Variants in SCIN observed in about 807,000 individuals in gnomAD.
SCIN encodes scinderin.
Under a neutral mutation model 91.8 loss-of-function variants are expected in SCIN, and 91 were observed. The observed-to-expected ratio is 0.99, with a 90% CI of 0.84 to 1.18. The LOEUF (loss-of-function observed/expected upper bound fraction) is 1.18. Among genes scored for constraint, SCIN ranks in the 50% most tolerant of loss-of-function variants. The pLI is 0.00. For missense variants in SCIN, 1,087 were observed against 863.9 expected (o/e 1.26, Z -3.24); for synonymous variants, 367 against 312.6 (o/e 1.17, Z -1.84).
At position 12,626,598 on chromosome 7, in the gene SCIN, A is replaced by G. The variant is rs888571273; in HGVS notation, c.996A>G (p.Pro332=). The change falls in exon 8 of 16, where the codon CCA becomes CCG. Residue 332 remains proline (P), a synonymous_variant. Coordinates refer to ENST00000297029, the MANE Select transcript of SCIN (RefSeq NM_001112706.3). ...YSKNTQIQVL[P]EGGETPIFKQ... ...TTAAATTTCAGATTCAAGTTCTTCC[A>G]GAAGGAGGTGAAACACCAATCTTCA... 2.1e-5 allele frequency: 32 copies of G among 1,547,430 alleles called. No individual in the cohort carries two copies. The African/African-American group carries it at 4.3e-4, about 21-fold the overall frequency.
At chr7:12,625,206 T>C in intron 6 of SCIN, 64 bp downstream of exon 6, 1 of 1,341,756 alleles carries the variant, frequency 7.5e-7, no homozygotes, top group Non-Finnish European at 9.9e-7. Flanking sequence ...TAAGGGTAAA[T>C]AAAATATATT....
chr7:12,578,184 T>G lies in SCIN; in HGVS notation c.320T>G (p.Phe107Cys). Residue 107 changes from phenylalanine (F) to cysteine (C), a missense_variant, in exon 2 of 16, where the codon TTT (phenylalanine) becomes TGT (cysteine). Phe to Cys is a radical substitution (Grantham distance 205). Transcript: ENST00000297029. ...RELQGYESND[F>C]VSYFKGGLKY... ...CTTCAAGGATATGAGTCTAATGACTTTGTTAGCTATTTCAAAGGCGGTCTG... is the reference window on the plus strand; with the variant it reads ...CTTCAAGGATATGAGTCTAATGACTGTGTTAGCTATTTCAAAGGCGGTCTG... The G allele has an allele frequency of 6.5e-7, 1 of 1,548,380 alleles. No homozygotes were observed. Among genetic ancestry groups the G allele is most frequent in the African/African-American group, 1.4e-5 (1 of 72,952 alleles).
intron 3 of SCIN, among the ~76,000 whole-genome samples, chr7:12,582,392 A>G (rs1049547288): frequency 3.3e-5 from 5 of 152,202 alleles, no homozygotes; most frequent in Non-Finnish European, 7.3e-5. Context: ...AAATGTACTA[A>G]GGTTATACAT....
chr7:12,640,353 G>A lies in SCIN; in HGVS notation c.1417G>A (p.Val473Ile). The change falls in exon 11 of 16, where the codon GTC becomes ATC. Residue 473 changes from valine to isoleucine, a missense_variant. Physicochemically the swap from Val to Ile is conservative, Grantham distance 29. Transcript: ENST00000297029. ...TCCCCCTCTCCCCCATCAGATCCGA[G>A]TCTCCCAAGGCAAAGAGCCTGTTCA... ...SLGGQAVQIR[V>I]SQGKEPVHLL... 3.2e-6 allele frequency: 5 copies of A among 1,583,898 alleles called. No individual in the cohort carries two copies. Among genetic ancestry groups the A allele is most frequent in the Non-Finnish European group, 4.3e-6 (5 of 1,166,580 alleles).
chr7:12,645,438 T>C (rs996223995), intron 13 of SCIN, among the ~76,000 whole-genome samples: 1 of 152,152 alleles, frequency 6.6e-6, no homozygotes, highest in Admixed American at 6.5e-5. Flanking sequence ...GAATCTCAGT[T>C]TCAGCCTGCC....
At chr7:12,628,479 A>G (rs892407577) in intron 8 of SCIN, among the ~76,000 whole-genome samples, 3 of 152,154 alleles carry the variant, frequency 2.0e-5, no homozygotes, top group African/African-American at 4.8e-5. Context: ...AAAAGGAGCT[A>G]GAGAGCTTTC....
At chr7:12,623,547 T>A (rs1239418925) in intron 5 of SCIN, among the ~76,000 whole-genome samples, 1 of 152,200 alleles carries the variant, frequency 6.6e-6, no homozygotes, top group Non-Finnish European at 1.5e-5. Context: ...GTTTTTTCTG[T>A]TGAGGGTAAC....
At chr7:12,601,415 C>G (rs1782955595) in intron 3 of SCIN, among the ~76,000 whole-genome samples, 1 of 152,134 alleles carries the variant, frequency 6.6e-6, no homozygotes, top group Non-Finnish European at 1.5e-5. Flanking sequence ...TGAAAAATTG[C>G]AAACACACTA....
At chr7:12,601,774 G>C (rs1782963310) in intron 3 of SCIN, among the ~76,000 whole-genome samples, 1 of 152,150 alleles carries the variant, frequency 6.6e-6, no homozygotes, top group Admixed American at 6.5e-5. Context: ...CAGAGCCAGA[G>C]CTTGTGTTTT....
intron 9 of SCIN, among the ~76,000 whole-genome samples, chr7:12,633,894 A>G (rs936599754): frequency 6.6e-6 from 1 of 152,058 alleles, no homozygotes; most frequent in African/African-American, 2.4e-5. Context: ...TTGACATTAA[A>G]ACACTACGTT....
intron 3 of SCIN, among the ~76,000 whole-genome samples, chr7:12,587,957 C>A (rs537591134): frequency 6.6e-6 from 1 of 152,316 alleles, no homozygotes; most frequent in South Asian, 2.1e-4. Flanking sequence ...AAACAGCATC[C>A]TCACTTACTC....
chr7:12,629,721 A>T (rs574203754), intron 9 of SCIN, among the ~76,000 whole-genome samples: 1 of 152,294 alleles, frequency 6.6e-6, no homozygotes, highest in African/African-American at 2.4e-5. Flanking sequence ...AAAATATGCA[A>T]CTGTGTTTTC....
chr7:12,595,949 G>T (rs564846877), intron 3 of SCIN: 10 of 161,994 alleles, frequency 6.2e-5, no homozygotes, highest in Non-Finnish European at 9.4e-5. Context: ...CTCCTCAGAA[G>T]AAAGAATTCG....
Position 12,570,917 on chromosome 7 carries a change from A to T in SCIN, c.131A>T (p.Asp44Val). The change falls in exon 1 of 16, where the codon GAT (aspartate) becomes GTT (valine). Residue 44 changes from aspartate (D) to valine (V), a missense_variant. Transcript: ENST00000297029. ...QSAHGDFYVG[D>V]AYLVLHTAKT... Reference sequence around the variant, plus strand: ...GCTCACGGCGACTTCTACGTCGGGGATGCCTACCTGGTGCTGCACACGGCC... The same window carrying T: ...GCTCACGGCGACTTCTACGTCGGGGTTGCCTACCTGGTGCTGCACACGGCC... 6.4e-7 allele frequency: 1 copy of T among 1,551,478 alleles called. No individual in the cohort carries two copies. Among genetic ancestry groups the T allele is most frequent in the African/African-American group, 1.4e-5 (1 of 73,132 alleles).
In SCIN at chr7:12,651,521, GA is replaced by G. The variant is rs895420375; in HGVS notation, c.1960-310del. On this transcript the variant is annotated intron_variant, in intron 14 of 15. Transcript: ENST00000297029. The surrounding 1 kb of genome is among the most constrained non-coding windows in gnomAD (Gnocchi z 5.9). ...TGCTGTCACACCCTAGGGGGTGGAT[GA>G]AAAAAAAAAGTCCACCCAGACAATC... Among the ~76,000 whole-genome samples the G allele has an allele frequency of 2.8e-4, 41 of 146,262 alleles. No individual in the cohort carries two copies. The highest frequency in any genetic ancestry group is 1.0e-3 in the Admixed American group (15 of 14,648).
At chr7:12,602,284 AG>A (rs1319009140) in intron 3 of SCIN, among the ~76,000 whole-genome samples, 1 of 152,232 alleles carries the variant, frequency 6.6e-6, no homozygotes, top group Non-Finnish European at 1.5e-5. Context: ...TAGGTCACAA[AG>A]ATCACATGCT....
intron 13 of SCIN, among the ~76,000 whole-genome samples, chr7:12,648,636 G>A (rs994597674): frequency 6.6e-6 from 1 of 152,026 alleles, no homozygotes; most frequent in Non-Finnish European, 1.5e-5. Flanking sequence ...CAAAATGAAA[G>A]ATAATTTAAT....
At position 12,621,473 on chromosome 7, in the gene SCIN, A is replaced by G. The variant is rs147303123; in HGVS notation, c.667-1328A>G. Among the ~76,000 whole-genome samples the G allele has an allele frequency of 8.2e-3, 1,244 of 152,188 alleles. 9 individuals are homozygous for G. The highest frequency in any genetic ancestry group is 0.028 in the African/African-American group (1,183 of 41,520). The stretch of plus-strand genomic sequence containing the variant: ...GGGTCCGCCCACTGGGAGGTTTCCT[A>G]ATATTAGATATGCCCTTAACACAAA... On this transcript the variant is annotated intron_variant, in intron 4 of 15. Transcript: ENST00000297029.
intron 14 of SCIN, among the ~76,000 whole-genome samples, chr7:12,650,010 T>A (rs1002820170): frequency 8.5e-5 from 13 of 152,240 alleles, no homozygotes; most frequent in African/African-American, 3.1e-4. Context: ...GTTCCTGTTT[T>A]ATTTATCTTA....
Sources: allele counts gnomAD v4.1 joint callset (sites outside exome capture counted in the v4.1 genomes callset), GRCh38; gene constraint gnomAD v4.1.1; non-coding constraint Gnocchi (gnomAD v3.1); transcripts MANE v1.5; gene names NCBI Gene and HGNC (gene_info 2026-07-23, HGNC 2026-07-21).